Variants in CCNB1 observed in about 807,000 individuals in gnomAD.
The protein encoded by CCNB1 is G2/mitotic-specific cyclin-B1.
CCNB1 carries 26 observed loss-of-function variants against 44.4 expected under a neutral mutation model. The observed-to-expected ratio is 0.59, with a 90% CI of 0.43 to 0.81. The LOEUF (loss-of-function observed/expected upper bound fraction) is 0.81, where lower values mean the gene tolerates loss of function less well. Among genes scored for constraint, CCNB1 ranks in the 40% least tolerant of loss-of-function variants. The pLI, the probability that CCNB1 is intolerant of heterozygous loss-of-function variation, is 0.00. For synonymous variants in CCNB1, 195 were observed against 181.4 expected, an observed-to-expected ratio of 1.08 and a Z score of -0.60; for missense variants, 477 against 520.9, an observed-to-expected ratio of 0.92 and a Z score of 0.82.
intron 4 of CCNB1, 44 bp from the exon 5 acceptor site, chr5:69,174,207 C>CATTT (rs1747526898): frequency 6.3e-7 from 1 of 1,587,930 alleles, no homozygotes; most frequent in Admixed American, 1.7e-5. Context: ...AAATGTGTCA[C>CATTT]ATGGAGTCAT....
chr5:69,167,308 A>G, intron 1 of CCNB1, 25 bp downstream of exon 1: 2 of 1,602,144 alleles, frequency 1.2e-6, no homozygotes, highest in Non-Finnish European at 1.7e-6. Flanking sequence ...ACTGCGAACT[A>G]ACGCGGCCTT....
chr5:69,172,292 C>T (rs950783648), intron 4 of CCNB1, among the ~76,000 whole-genome samples: 2 of 152,216 alleles, frequency 1.3e-5, no homozygotes, highest in South Asian at 2.1e-4. Flanking sequence ...CAGGGTCTTG[C>T]TCTGTTGCCC....
At chr5:69,175,282 G>A (rs750427699) in intron 6 of CCNB1, 115 bp from the exon 7 acceptor site, 19 of 1,080,394 alleles carry the variant, frequency 1.8e-5, no homozygotes, top group Non-Finnish European at 2.4e-5. Flanking sequence ...GACTTTCCAT[G>A]GGCATTTGAG....
At chr5:69,172,769 CTTT>C (rs922322066) in intron 4 of CCNB1, among the ~76,000 whole-genome samples, 3 of 96,844 alleles carry the variant, frequency 3.1e-5, no homozygotes, top group African/African-American at 8.2e-5. Flanking sequence ...TGTGCTGTTT[CTTT>C]TTTTTTTTTT....
At chr5:69,169,709 G>GT (rs1490741781) in intron 3 of CCNB1, among the ~76,000 whole-genome samples, 1 of 151,954 alleles carries the variant, frequency 6.6e-6, no homozygotes, top group Non-Finnish European at 1.5e-5. Flanking sequence ...CTGGAGTGCA[G>GT]TGGTGCCATC....
chr5:69,167,863 C>G, intron 1 of CCNB1, 45 bp from the exon 2 acceptor site: 1 of 1,538,206 alleles, frequency 6.5e-7, no homozygotes, highest in Non-Finnish European at 8.8e-7. Context: ...TTGACTTACT[C>G]GAGCCTTCGT....
At chr5:69,176,650 G>A (rs1016374333) in intron 7 of CCNB1, among the ~76,000 whole-genome samples, 47 of 151,330 alleles carry the variant, frequency 3.1e-4, no homozygotes, top group Middle Eastern at 6.8e-3. Context: ...GATTACAGGC[G>A]TGAGCCATTG....
At chr5:69,176,985 T>TA in intron 7 of CCNB1, 1 of 291,182 alleles carries the variant, frequency 3.4e-6, no homozygotes, top group Non-Finnish European at 6.4e-6. Context: ...AAAAAAAAAT[T>TA]ACAAAGTTGG....
chr5:69,168,047 A>G lies in CCNB1; in HGVS notation c.161A>G (p.Glu54Gly). ...GGGGACATTGGTAACAAAGTCAGTG[A>G]ACAACTGCAGGCCAAAATGCCTATG... ...ALGDIGNKVS[E>G]QLQAKMPMKK... The change falls in exon 2 of 9, where the codon GAA (glutamate) becomes GGA (glycine). Residue 54 changes from glutamate (E) to glycine (G), a missense_variant. Physicochemically the swap from Glu to Gly is moderately conservative, Grantham distance 98. Transcript: ENST00000256442. The G allele has an allele frequency of 2.5e-6, 4 of 1,614,120 alleles. No homozygotes were observed. Among genetic ancestry groups the G allele is most frequent in the Non-Finnish European group, 3.4e-6 (4 of 1,180,018 alleles).
intron 4 of CCNB1, 52 bp from the exon 5 acceptor site, chr5:69,174,199 A>G (rs1325714211): frequency 1.9e-5 from 29 of 1,549,794 alleles, no homozygotes; most frequent in Non-Finnish European, 1.9e-5. Context: ...CTGGACATAA[A>G]TGTGTCACAT....
rs2112050967 is a variant in CCNB1 at position 69,171,447 on chromosome 5, C to G, written c.541C>G (p.Leu181Val). 1.3e-6 allele frequency: 2 copies of G among 1,594,466 alleles called. No homozygotes were observed. Among genetic ancestry groups the G allele is most frequent in the Non-Finnish European group, 1.7e-6 (2 of 1,172,278 alleles). ...VKDIYAYLRQ[L>V]EEEQAVRPKY... The stretch of plus-strand genomic sequence containing the variant: ...AGATATTTATGCTTATCTGAGACAA[C>G]TTGAGGTAAGTATTATCATTCGTTT... The change falls in exon 4 of 9, where the codon CTT (leucine) becomes GTT (valine). Residue 181 changes from leucine (L) to valine (V), a missense_variant. By Grantham distance (32) the Leu-to-Val change is conservative. Coordinates refer to ENST00000256442, the MANE Select transcript of CCNB1 (RefSeq NM_031966.4).
At chr5:69,174,456 C>T (rs1220518726) in intron 5 of CCNB1, 47 bp downstream of exon 5, 7 of 1,574,484 alleles carry the variant, frequency 4.4e-6, no homozygotes, top group South Asian at 3.4e-5. Flanking sequence ...CTAGCCGAGT[C>T]ATAAGAAACT....
intron 4 of CCNB1, among the ~76,000 whole-genome samples, chr5:69,173,042 G>A (rs542595018): frequency 1.3e-5 from 2 of 152,046 alleles, no homozygotes; most frequent in African/African-American, 4.8e-5. Flanking sequence ...CAAAGTGCTG[G>A]GATTATAGGT....
intron 7 of CCNB1, 104 bp downstream of exon 7, chr5:69,175,641 G>A (rs1304063362): frequency 4.8e-6 from 5 of 1,043,788 alleles, no homozygotes; most frequent in Non-Finnish European, 7.0e-6. Context: ...ATAAATATGG[G>A]ATCTACTGAA....
intron 6 of CCNB1, 60 bp from the exon 7 acceptor site, chr5:69,175,337 C>G: frequency 6.6e-7 from 1 of 1,524,298 alleles, no homozygotes; most frequent in Non-Finnish European, 9.0e-7. Context: ...TATGGGCATG[C>G]AGGTTAGTGC....
In CCNB1 at chr5:69,174,816, A is replaced by T; in HGVS notation, c.706-61A>T. On this transcript the variant is annotated intron_variant, in intron 5 of 8. Transcript: ENST00000256442. ...GAGAATGTCTTTCTACCTCTCCTTC[A>T]TCATAGCTCTGTGTCTCCTTTTCAA... 3.1e-6 allele frequency: 4 copies of T among 1,304,846 alleles called. No homozygotes were observed. The South Asian group carries it at 4.9e-5, about 16-fold the overall frequency. The allele number at this position is 1,304,846 out of a possible 1,614,324, so 80.8% of individuals were successfully genotyped here.
At chr5:69,173,868 C>T (rs991787672) in intron 4 of CCNB1, among the ~76,000 whole-genome samples, 3 of 151,960 alleles carry the variant, frequency 2.0e-5, no homozygotes, top group African/African-American at 7.3e-5. Context: ...CTGCCAGGTT[C>T]AAGCAATTCT....
intron 3 of CCNB1, among the ~76,000 whole-genome samples, chr5:69,169,803 C>T (rs747100597): frequency 4.6e-5 from 7 of 152,106 alleles, no homozygotes; most frequent in Non-Finnish European, 7.3e-5. Flanking sequence ...AGGCACATGC[C>T]ACCATGCTTG....
At chr5:69,177,200 A>G (rs763815462) in intron 7 of CCNB1, 39 bp from the exon 8 acceptor site, 1 of 1,143,830 alleles carries the variant, frequency 8.7e-7, no homozygotes, top group Non-Finnish European at 1.3e-6. Context: ...GAAAATCATT[A>G]TTGATTTGAG....
Sources: allele counts gnomAD v4.1 joint callset (sites outside exome capture counted in the v4.1 genomes callset), GRCh38; gene constraint gnomAD v4.1.1; transcripts MANE v1.5; gene names NCBI Gene and HGNC (gene_info 2026-07-23, HGNC 2026-07-21).